Variants in MGAT4A observed in about 807,000 individuals in gnomAD.
MGAT4A encodes alpha-1,3-mannosyl-glycoprotein 4-beta-N-acetylglucosaminyltransferase A, also known as N-acetylglucosaminyltransferase IVa.
A neutral mutation model predicts 74.1 loss-of-function variants in MGAT4A; 33 were observed. That is an observed-to-expected ratio of 0.45 (90% confidence interval 0.34 to 0.60). MGAT4A has a LOEUF of 0.60. Ranked by LOEUF, MGAT4A falls within the 20% of genes least tolerant of loss-of-function variation. The probability of loss-of-function intolerance (pLI) is 0.02; values close to 1 mark genes in which losing one functional copy is unlikely to be tolerated. For missense variants in MGAT4A, 479 were observed against 628.3 expected (o/e 0.76, Z 2.54); for synonymous variants, 198 against 210.4 (o/e 0.94, Z 0.51).
chr2:98,730,514 C>A lies in MGAT4A; in HGVS notation c.-236+534G>T, dbSNP rs1247182569. Among the ~76,000 whole-genome samples, 3 of 152,222 alleles carry A rather than the reference C, an allele frequency of 2.0e-5. No homozygotes were observed. In the South Asian group the frequency reaches 6.2e-4, roughly 31 times the overall value. ...CGGCCGGTCCCCTCGGGAGCAGCCC[C>A]TGCCCCTGCGCCTCGGACCGTCCGG... is the stretch of plus-strand genomic sequence containing the variant. On this transcript the variant is annotated intron_variant, in intron 1 of 15. Coordinates refer to ENST00000393487, the MANE Select transcript of MGAT4A (RefSeq NM_012214.3).
At chr2:98,700,926 C>G (rs1221302791) in intron 2 of MGAT4A, among the ~76,000 whole-genome samples, 1 of 150,912 alleles carries the variant, frequency 6.6e-6, no homozygotes, top group African/African-American at 2.4e-5. Flanking sequence ...TACATGTTAG[C>G]ATAAATAATG....
At chr2:98,721,317 C>T (rs1559177169) in intron 2 of MGAT4A, among the ~76,000 whole-genome samples, 1 of 152,140 alleles carries the variant, frequency 6.6e-6, no homozygotes, top group Non-Finnish European at 1.5e-5. Flanking sequence ...AAGGAAGTTA[C>T]CCCAGATGGT....
chr2:98,655,376 A>T, intron 8 of MGAT4A, 69 bp downstream of exon 8: 1 of 1,220,028 alleles, frequency 8.2e-7, no homozygotes, highest in Non-Finnish European at 1.2e-6. Flanking sequence ...TTCCTGTTTT[A>T]ATGAAAACAT....
At chr2:98,702,993 G>C (rs1702373052) in intron 2 of MGAT4A, among the ~76,000 whole-genome samples, 1 of 152,062 alleles carries the variant, frequency 6.6e-6, no homozygotes, top group Non-Finnish European at 1.5e-5. Flanking sequence ...GACAGCAAAG[G>C]AAAAAGAAAC....
intron 2 of MGAT4A, among the ~76,000 whole-genome samples, chr2:98,714,210 C>T (rs1392625648): frequency 4.6e-5 from 7 of 152,138 alleles, no homozygotes; most frequent in African/African-American, 1.7e-4. Context: ...GTCTCAGACT[C>T]CCAAACAGCT....
At position 98,726,413 on chromosome 2, in the gene MGAT4A, G is replaced by C. The variant is rs542238399; in HGVS notation, c.-81C>G. ...TTTCTTTTTACCCTGAAAGTCAACTGAATGCAGTACTCCTGGCTCTAGGCC... is the reference window on the plus strand; with the variant it reads ...TTTCTTTTTACCCTGAAAGTCAACTCAATGCAGTACTCCTGGCTCTAGGCC... On this transcript the variant is annotated 5_prime_UTR_variant, in exon 2 of 16. Coordinates refer to ENST00000393487, the MANE Select transcript of MGAT4A (RefSeq NM_012214.3). 1 of 1,149,570 alleles carries C rather than the reference G, an allele frequency of 8.7e-7. No homozygotes were observed. The highest frequency in any genetic ancestry group is 1.3e-6 in the Non-Finnish European group (1 of 785,430). 71.2% of individuals were successfully genotyped at this position (1,149,570 alleles called of 1,614,324 possible).
intron 2 of MGAT4A, among the ~76,000 whole-genome samples, chr2:98,715,287 C>T (rs1213451006): frequency 7.2e-6 from 1 of 139,170 alleles, no homozygotes; most frequent in Non-Finnish European, 1.5e-5. Flanking sequence ...CACTGCGTTC[C>T]AGCCTGGGTG....
chr2:98,674,358 C>T (rs564535010), intron 4 of MGAT4A, among the ~76,000 whole-genome samples: 65 of 152,278 alleles, frequency 4.3e-4, no homozygotes, highest in African/African-American at 1.4e-3. Context: ...GTCAAAACAG[C>T]GGAATCAAAT....
intron 2 of MGAT4A, among the ~76,000 whole-genome samples, chr2:98,722,545 T>C (rs1411919617): frequency 6.6e-6 from 1 of 150,938 alleles, no homozygotes; most frequent in Non-Finnish European, 1.5e-5. Context: ...GGGAGGGAGG[T>C]AGGGATTAGG....
In MGAT4A at chr2:98,662,225, G is replaced by A. The variant is rs142356212; in HGVS notation, c.537+821C>T. Among the ~76,000 whole-genome samples, 205 of 152,336 alleles carry A rather than the reference G, an allele frequency of 1.3e-3. 2 individuals are homozygous for A. In the East Asian group the frequency reaches 0.02, roughly 15 times the overall value. On this transcript the variant is annotated intron_variant, in intron 5 of 15. Transcript: ENST00000393487. ...ACATATGTTGTTAACATCAGAGCAA[G>A]CTGAGTGAAGGAGATACCCTCTATA... is the stretch of plus-strand genomic sequence containing the variant.
chr2:98,663,773 G>A (rs1030358239), intron 4 of MGAT4A, among the ~76,000 whole-genome samples: 1 of 152,204 alleles, frequency 6.6e-6, no homozygotes, highest in African/African-American at 2.4e-5. Flanking sequence ...TTTGGATCCT[G>A]AAAGAGAAAA....
At chr2:98,659,219 A>G (rs1474614010) in intron 5 of MGAT4A, among the ~76,000 whole-genome samples, 1 of 152,228 alleles carries the variant, frequency 6.6e-6, no homozygotes, top group Non-Finnish European at 1.5e-5. Context: ...CTCTGATGCT[A>G]TGTCAAAGAC....
intron 8 of MGAT4A, among the ~76,000 whole-genome samples, chr2:98,654,904 A>C (rs1263655584): frequency 6.6e-6 from 1 of 152,232 alleles, no homozygotes; most frequent in Non-Finnish European, 1.5e-5. Flanking sequence ...AAAACATGCT[A>C]CATGTCAGGT....
chr2:98,680,040 C>CTTT (rs778595164), intron 2 of MGAT4A, among the ~76,000 whole-genome samples: 2,839 of 130,968 alleles, frequency 0.022, 107 homozygotes, highest in African/African-American at 0.041. Context: ...CTTAGAAAGG[C>CTTT]TTTTTTTTTT....
chr2:98,680,916 C>T (rs921475313), intron 2 of MGAT4A, among the ~76,000 whole-genome samples: 9 of 152,206 alleles, frequency 5.9e-5, no homozygotes, highest in African/African-American at 2.2e-4. Flanking sequence ...TAAGAAGACT[C>T]AGTCTTACAA....
In MGAT4A at chr2:98,658,224, T is replaced by A; in HGVS notation, c.578A>T (p.Glu193Val). ...DYVHGVVANL[E>V]KEFSKEISSG... ...ATAATTAAGAAGAACTTACTCTTTCTCCAGGTTGGCTACAACACCATGTAC... is the reference window on the plus strand; with the variant it reads ...ATAATTAAGAAGAACTTACTCTTTCACCAGGTTGGCTACAACACCATGTAC... Residue 193 changes from glutamate to valine, a missense_variant, in exon 6 of 16, where the codon GAG becomes GTG. Around this residue, in one of 3 missense-constraint regions of MGAT4A, gnomAD observed 205 missense variants for 232.7 expected, o/e 0.88. Coordinates refer to ENST00000393487, the MANE Select transcript of MGAT4A (RefSeq NM_012214.3). 6.4e-7 allele frequency: 1 copy of A among 1,574,410 alleles called. No homozygotes were observed. Among genetic ancestry groups the A allele is most frequent in the Non-Finnish European group, 8.7e-7 (1 of 1,152,842 alleles).
intron 14 of MGAT4A, among the ~76,000 whole-genome samples, chr2:98,633,151 T>C (rs1291148869): frequency 6.6e-6 from 1 of 152,234 alleles, no homozygotes; most frequent in Non-Finnish European, 1.5e-5. Context: ...CTCACCCTGC[T>C]GTGCCTAGGG....
intron 3 of MGAT4A, among the ~76,000 whole-genome samples, chr2:98,677,769 ACT>A (rs1701995396): frequency 7.4e-6 from 1 of 134,992 alleles, no homozygotes; most frequent in African/African-American, 2.8e-5. Context: ...ACTTAATATG[ACT>A]CTCTTAAAAT....
chr2:98,685,269 G>A (rs576771878), intron 2 of MGAT4A, among the ~76,000 whole-genome samples: 7 of 151,252 alleles, frequency 4.6e-5, no homozygotes, highest in African/African-American at 1.5e-4. Flanking sequence ...TAGTCATCTG[G>A]TTCAACCTCA....
Sources: gnomAD v4.1 joint callset for allele counts (sites outside exome capture counted in the v4.1 genomes callset) on GRCh38, gnomAD v4.1.1 for gene constraint, gnomAD v4.1.1 regional missense constraint, MANE v1.5 for transcripts, NCBI Gene and HGNC (gene_info 2026-07-23, HGNC 2026-07-21) for gene names.